MTDH: variants seen among roughly 807,000 people sequenced by gnomAD.
The protein encoded by MTDH is protein LYRIC.
A neutral mutation model predicts 72.7 loss-of-function variants in MTDH; 34 were observed. The observed-to-expected ratio is 0.47, with a 90% CI of 0.36 to 0.62. The LOEUF is 0.62. MTDH is among the 20% of genes least tolerant of loss of function. The pLI is 0.00. For synonymous variants in MTDH, 266 were observed against 268.9 expected, an observed-to-expected ratio of 0.99 and a Z score of 0.10; for missense variants, 677 against 699.4, an observed-to-expected ratio of 0.97 and a Z score of 0.36.
At chr8:97,677,551 G>C (rs1291383276) in intron 2 of MTDH, among the ~76,000 whole-genome samples, 1 of 151,748 alleles carries the variant, frequency 6.6e-6, no homozygotes, top group African/African-American at 2.4e-5. Context: ...ATTATTTCTA[G>C]TAAGAACTCT....
rs760906317 is a variant in MTDH, at chr8:97,644,755, G to A, written c.249G>A (p.Arg83=). The A allele has an allele frequency of 3.2e-6, 5 of 1,565,254 alleles. No individual in the cohort carries two copies. In the African/African-American group the frequency reaches 7.2e-5, roughly 22 times the overall value. The stretch of plus-strand genomic sequence containing the variant: ...GCGCCGGCGCCCGCAAAAAGCGGAG[G>A]AGCCCGCCCCGCAAGCGGGAGGAGG... ...AACAGARKKR[R]SPPRKREEAA... The change falls in exon 1 of 12, where the codon AGG becomes AGA. Residue 83 remains arginine, a synonymous_variant. Coordinates refer to ENST00000336273, the MANE Select transcript of MTDH (RefSeq NM_178812.4).
At chr8:97,678,059 C>G (rs1812927553) in intron 2 of MTDH, among the ~76,000 whole-genome samples, 1 of 152,132 alleles carries the variant, frequency 6.6e-6, no homozygotes, top group South Asian at 2.1e-4. Flanking sequence ...AGTACCAGAG[C>G]AAATTTCCCA....
intron 2 of MTDH, among the ~76,000 whole-genome samples, chr8:97,685,843 A>G (rs993285399): frequency 5.3e-5 from 8 of 152,288 alleles, no homozygotes; most frequent in African/African-American, 1.7e-4. Context: ...CAAAGTATAA[A>G]AATACTATTT....
chr8:97,677,797 A>G (rs1323711481), intron 2 of MTDH, among the ~76,000 whole-genome samples: 1 of 152,160 alleles, frequency 6.6e-6, no homozygotes, highest in Admixed American at 6.6e-5. Context: ...TGGCATTTCT[A>G]GTTTTTTTGG....
intron 2 of MTDH, among the ~76,000 whole-genome samples, chr8:97,671,681 A>G (rs999128132): frequency 5.9e-5 from 9 of 152,030 alleles, no homozygotes; most frequent in African/African-American, 2.2e-4. Context: ...CATCTCTACT[A>G]AAAATACAAA....
intron 7 of MTDH, among the ~76,000 whole-genome samples, chr8:97,700,621 A>G (rs1646378065): frequency 2.0e-5 from 3 of 152,248 alleles, no homozygotes; most frequent in Admixed American, 6.5e-5. Flanking sequence ...ACACTGGACT[A>G]TGTGCCAGGC....
At chr8:97,686,616 A>C (rs867191571) in intron 2 of MTDH, 52 bp from the exon 3 acceptor site, 22 of 1,152,912 alleles carry the variant, frequency 1.9e-5, no homozygotes, top group Non-Finnish European at 2.6e-5. Flanking sequence ...ACTGACTCCT[A>C]CTTATTCAAA....
chr8:97,701,318 C>T (rs1014126671), intron 7 of MTDH, among the ~76,000 whole-genome samples: 1 of 152,138 alleles, frequency 6.6e-6, no homozygotes, highest in Non-Finnish European at 1.5e-5. Context: ...ATATAACCTA[C>T]ATATGTCTTC....
intron 2 of MTDH, among the ~76,000 whole-genome samples, chr8:97,670,937 T>TTG (rs1812590378): frequency 2.1e-5 from 3 of 145,184 alleles, no homozygotes; most frequent in Admixed American, 1.4e-4. Context: ...TTTTGTTTTT[T>TTG]TTGTTGTTGT....
intron 2 of MTDH, among the ~76,000 whole-genome samples, chr8:97,683,133 C>T (rs1342621358): frequency 2.3e-5 from 3 of 128,888 alleles, no homozygotes; most frequent in Non-Finnish European, 4.7e-5. Context: ...GGAGCGATCT[C>T]AGCTCACTGC....
chr8:97,721,031 G>A lies in MTDH; in HGVS notation c.1521+1842G>A, dbSNP rs191542923. ...GATTTGATCCGTTCTGTGACTTAAT[G>A]TAGATAAGTGAGAGAACAAAGGGGA... On this transcript the variant is annotated intron_variant, in intron 10 of 11. Transcript: ENST00000336273. 5.6e-3 allele frequency among the ~76,000 whole-genome samples: 848 copies of A among 152,186 alleles called. 6 individuals are homozygous for A. The highest frequency in any genetic ancestry group is 7.4e-3 in the Non-Finnish European group (504 of 68,004).
At chr8:97,678,060 A>G (rs1812927654) in intron 2 of MTDH, among the ~76,000 whole-genome samples, 1 of 152,220 alleles carries the variant, frequency 6.6e-6, no homozygotes, top group Non-Finnish European at 1.5e-5. Context: ...GTACCAGAGC[A>G]AATTTCCCAG....
intron 6 of MTDH, among the ~76,000 whole-genome samples, chr8:97,697,446 C>T (rs1173294438): frequency 1.6e-5 from 2 of 128,774 alleles, no homozygotes; most frequent in Non-Finnish European, 3.1e-5. Flanking sequence ...AGTGCAGTGG[C>T]GCAATCTCGG....
intron 7 of MTDH, among the ~76,000 whole-genome samples, chr8:97,703,222 T>C (rs1814209272): frequency 6.6e-6 from 1 of 152,078 alleles, no homozygotes; most frequent in Admixed American, 6.5e-5. Context: ...TAGCTGGGCG[T>C]GGTTCGCATG....
At chr8:97,691,515 G>T (rs1203980872) in intron 6 of MTDH, among the ~76,000 whole-genome samples, 2 of 152,148 alleles carry the variant, frequency 1.3e-5, no homozygotes, top group Non-Finnish European at 2.9e-5. Flanking sequence ...CAACAATTCT[G>T]TTGAGTCTAA....
Position 97,709,300 on chromosome 8 carries a change from A to AGG in MTDH, c.1272+2553_1272+2554dup, listed in dbSNP as rs552672514. On this transcript the variant is annotated intron_variant, in intron 8 of 11. Transcript: ENST00000336273. ...CAATGTGAAAGTCAACAGTGGGGAA[A>AGG]GGGGTTTTAGATTGGACCTACAAAA... Among the ~76,000 whole-genome samples, 535 of 151,690 alleles carry AGG rather than the reference A, an allele frequency of 3.5e-3. 3 individuals carry two copies. Among genetic ancestry groups the AGG allele is most frequent in the Admixed American group, 6.5e-3 (98 of 15,170 alleles).
intron 6 of MTDH, chr8:97,696,131 G>A: frequency 1.9e-6 from 1 of 517,386 alleles, no homozygotes; most frequent in Non-Finnish European, 2.5e-6. Flanking sequence ...TAGTCTCATA[G>A]TTTTAAATCT....
At position 97,728,442 on chromosome 8, in the gene MTDH, A is replaced by G. The variant is rs1001637889; in HGVS notation, c.*3772A>G. 3 of 152,146 alleles carry G rather than the reference A, an allele frequency of 2.0e-5. No individual in the cohort carries two copies. The highest frequency in any genetic ancestry group is 2.9e-5 in the Non-Finnish European group (2 of 68,024). The allele number at this position is 152,146 out of a possible 1,614,324, so 9.4% of individuals were successfully genotyped here. A position where few individuals can be genotyped will look rare whatever the true frequency, so the allele number is the denominator to read the frequency against. ...AAAATGTCACTGTTTGTGACACACA[A>G]TGTTCTCTACAGAAAACTTCTTCTA... On this transcript the variant is annotated 3_prime_UTR_variant, in exon 12 of 12. Coordinates refer to ENST00000336273, the MANE Select transcript of MTDH (RefSeq NM_178812.4).
intron 1 of MTDH, among the ~76,000 whole-genome samples, chr8:97,648,494 CT>C (rs34507182): frequency 0.3 from 43,526 of 144,192 alleles, 9,285 homozygotes; most frequent in African/African-American, 0.61. Flanking sequence ...AGAAAATTGT[CT>C]TTTTTTTTTT....
Sources: gnomAD v4.1 joint callset for allele counts (sites outside exome capture counted in the v4.1 genomes callset) on GRCh38, gnomAD v4.1.1 for gene constraint, MANE v1.5 for transcripts, NCBI Gene and HGNC (gene_info 2026-07-23, HGNC 2026-07-21) for gene names.